The following GGT1 variants were observed in gnomAD, a reference collection of about 807,000 sequenced individuals.
GGT1 encodes the protein glutathione hydrolase 1 proenzyme.
Under a neutral mutation model 56.0 loss-of-function variants are expected in GGT1, and 21 were observed. The observed-to-expected ratio is 0.38, with a 90% CI of 0.27 to 0.54. GGT1 has a LOEUF of 0.54. Ranked by LOEUF, GGT1 falls within the 20% of genes least tolerant of loss-of-function variation. The pLI, the probability that GGT1 is intolerant of heterozygous loss-of-function variation, is 0.82. For synonymous variants in GGT1, 238 were observed against 342.6 expected (o/e 0.69, Z 3.37); for missense variants, 466 against 787.0 (o/e 0.59, Z 4.88).
At chr22:24,595,872 A>C (rs2045684651) in intron 1 of GGT1, among the ~76,000 whole-genome samples, 1 of 152,220 alleles carries the variant, frequency 6.6e-6, no homozygotes, top group African/African-American at 2.4e-5. Flanking sequence ...AGTATTGTTC[A>C]AGCCCAGGAG....
At chr22:24,613,378 A>G (rs959184212) in intron 5 of GGT1, among the ~76,000 whole-genome samples, 24 of 152,218 alleles carry the variant, frequency 1.6e-4, no homozygotes, top group African/African-American at 5.5e-4. Context: ...TAGCCGGGAA[A>G]AAAAATGTTA....
At chr22:24,603,078 C>T (rs1322109643), upstream of GGT1, 3 of 152,334 alleles carry the variant, frequency 2.0e-5, no homozygotes, top group East Asian at 5.8e-4. Context: ...GGAGCCAGCC[C>T]ACATCCCACC....
chr22:24,598,815 A>T, upstream of GGT1, among the ~76,000 whole-genome samples: 1 of 152,162 alleles, frequency 6.6e-6, no homozygotes, highest in East Asian at 1.9e-4. Flanking sequence ...GCCCTCCCAA[A>T]GCGCTGGGAT....
chr22:24,627,954 C>T lies in GGT1; in HGVS notation c.1311C>T (p.Pro437=). 18 of 1,613,492 alleles carry T rather than the reference C, an allele frequency of 1.1e-5. No homozygotes were observed. The highest frequency in any genetic ancestry group is 1.5e-5 in the Non-Finnish European group (18 of 1,179,822). ...PSITNEFGVP[P]SPANFIQPGK... is the part of the protein sequence containing the mutation. ...TCACCAACGAGTTTGGGGTACCCCCCTCACCTGCCAATTTCATCCAGCCAG... is the reference window on the plus strand; with the variant it reads ...TCACCAACGAGTTTGGGGTACCCCCTTCACCTGCCAATTTCATCCAGCCAG... Residue 437 remains proline, a synonymous_variant, in exon 13 of 16, where the codon CCC becomes CCT. Transcript: ENST00000400382.
At chr22:24,605,192 ATATATAATATGTATTATATTATATAT>A (rs1425231679) in intron 1 of GGT1, among the ~76,000 whole-genome samples, 431 of 40,804 alleles carry the variant, frequency 0.011, 89 homozygotes, top group South Asian at 0.012. Context: ...ATATTATATA[ATATATAATATGTATTATATTATATAT>A]TATATAATAT....
intron 11 of GGT1, among the ~76,000 whole-genome samples, chr22:24,626,185 G>A (rs1398235942): frequency 6.7e-6 from 1 of 149,218 alleles, no homozygotes; most frequent in Non-Finnish European, 1.5e-5. Context: ...GTAGAGACGG[G>A]GTTTCACTGT....
rs2047949836 is a variant in GGT1 at position 24,628,834 on chromosome 22, T to A, written c.1705T>A (p.Tyr569Asn). The change falls in exon 16 of 16, where the codon TAC becomes AAC. Residue 569 changes from tyrosine (Y) to asparagine (N), a missense_variant. This residue lies in a region of GGT1 where 10 missense variants were observed against 70.3 expected (regional missense o/e 0.14). Transcript: ENST00000400382. The surrounding 1 kb of genome is among the most constrained non-coding windows in gnomAD (Gnocchi z 5.7). The part of the protein sequence containing the change: ...DSRKGGEPAG[Y>N] ...CAGGAAAGGCGGGGAGCCTGCCGGC[T>A]ACTGAGTGCTCCAGGAGGACAAGGC... 1 of 1,596,408 alleles carries A rather than the reference T, an allele frequency of 6.3e-7. No individual in the cohort carries two copies. The highest frequency in any genetic ancestry group is 1.7e-5 in the Admixed American group (1 of 57,418).
At chr22:24,592,605 C>T (rs984185863), upstream of GGT1, 88 of 526,240 alleles carry the variant, frequency 1.7e-4, 1 homozygote, top group South Asian at 1.5e-3. Flanking sequence ...CCCGGACACA[C>T]TCAGCAGCCC....
chr22:24,589,432 T>G, the GGT1 span: 6 of 967,978 alleles, frequency 6.2e-6, no homozygotes, highest in Non-Finnish European at 7.7e-6. Flanking sequence ...AGCGGCTCTC[T>G]TCTGGCCCAG....
chr22:24,616,587 C>G (rs2047083236), intron 7 of GGT1, among the ~76,000 whole-genome samples: 1 of 149,042 alleles, frequency 6.7e-6, no homozygotes, highest in African/African-American at 2.5e-5. Flanking sequence ...GACTGTCGCC[C>G]AGGCTGGAGT....
chr22:24,601,518 T>C (rs1170315049), upstream of GGT1, among the ~76,000 whole-genome samples: 1 of 152,152 alleles, frequency 6.6e-6, no homozygotes, highest in Non-Finnish European at 1.5e-5. Context: ...TGCCAGGAGC[T>C]CCCTTCTTGC....
At chr22:24,597,347 C>G (rs1443291994) in intron 1 of GGT1, among the ~76,000 whole-genome samples, 1 of 152,094 alleles carries the variant, frequency 6.6e-6, no homozygotes, top group African/African-American at 2.4e-5. Flanking sequence ...ACTCTATTTC[C>G]AAATAAGGTC....
chr22:24,619,463 A>G (rs920582289), intron 7 of GGT1, among the ~76,000 whole-genome samples: 1 of 151,532 alleles, frequency 6.6e-6, no homozygotes, highest in Non-Finnish European at 1.5e-5. Flanking sequence ...TAGGTACTTC[A>G]GAGGCTGAGG....
chr22:24,615,448 T>C (rs3966265), intron 7 of GGT1, among the ~76,000 whole-genome samples: 2,673 of 152,168 alleles, frequency 0.018, 59 homozygotes, highest in African/African-American at 0.058. Context: ...TTTTCACCCA[T>C]GAGCCTCTCA....
chr22:24,610,488 C>T lies in GGT1; in HGVS notation c.-51C>T, dbSNP rs1376075824. The T allele has an allele frequency of 6.1e-6, 1 of 163,450 alleles. No individual in the cohort carries two copies. The highest frequency in any genetic ancestry group is 5.9e-5 in the Admixed American group (1 of 17,016). The allele number at this position is 163,450 out of a possible 1,614,324, so 10.1% of individuals were successfully genotyped here. On this transcript the variant is annotated 5_prime_UTR_variant, in exon 4 of 16. Coordinates refer to ENST00000400382, the MANE Select transcript of GGT1 (RefSeq NM_001288833.2). ...ACCAAATCCTCCTGTCTTTCGTGGC[C>T]AACACCCCAGGCAAGGCTTGGGGCC...
chr22:24,592,168 G>C (rs1004706213), upstream of GGT1: 1 of 399,764 alleles, frequency 2.5e-6, no homozygotes, highest in African/African-American at 2.1e-5. Context: ...TGATTGGGGG[G>C]ACCAGCATCC....
chr22:24,610,889 C>G (rs1346834449), intron 4 of GGT1, among the ~76,000 whole-genome samples, 186 bp from the exon 5 acceptor site: 2 of 151,564 alleles, frequency 1.3e-5, no homozygotes, highest in East Asian at 3.9e-4. Context: ...AGGCCCAGAG[C>G]TTCTGGCAGA....
At chr22:24,626,150 G>A (rs1419515008) in intron 11 of GGT1, among the ~76,000 whole-genome samples, 4 of 147,480 alleles carry the variant, frequency 2.7e-5, no homozygotes, top group Non-Finnish European at 3.0e-5. Context: ...CCACCACCGC[G>A]CCCAGCTAAT....
chr22:24,611,584 A>G (rs1395370476), intron 5 of GGT1, among the ~76,000 whole-genome samples: 1 of 139,380 alleles, frequency 7.2e-6, no homozygotes, highest in Non-Finnish European at 1.6e-5. Context: ...CTATCTATCT[A>G]TCTATCTATC....
Sources: gnomAD v4.1 joint callset for allele counts (sites outside exome capture counted in the v4.1 genomes callset) on GRCh38, gnomAD v4.1.1 for gene constraint, gnomAD v4.1.1 regional missense constraint, Gnocchi (gnomAD v3.1) non-coding constraint, MANE v1.5 for transcripts, NCBI Gene and HGNC (gene_info 2026-07-23, HGNC 2026-07-21) for gene names.